HECTD2: variants seen among roughly 807,000 people sequenced by gnomAD.
The protein encoded by HECTD2 is HECT domain E3 ubiquitin protein ligase 2.
A neutral mutation model predicts 103.2 loss-of-function variants in HECTD2; 35 were observed. That is an observed-to-expected ratio of 0.34 (90% CI 0.26 to 0.45). The LOEUF (loss-of-function observed/expected upper bound fraction) is 0.45. HECTD2 is among the 20% of genes least tolerant of loss of function. The probability of loss-of-function intolerance (pLI) is 1.00; values close to 1 mark genes in which losing one functional copy is unlikely to be tolerated. For missense variants in HECTD2, 596 were observed against 937.4 expected (o/e 0.64, Z 4.76); for synonymous variants, 281 against 329.9 (o/e 0.85, Z 1.61).
chr10:91,511,365 A>G (rs1166477013), intron 20 of HECTD2, among the ~76,000 whole-genome samples: 1 of 152,186 alleles, frequency 6.6e-6, no homozygotes, highest in Admixed American at 6.5e-5. Context: ...ACTGTCCCCA[A>G]AATGCTCTTT....
intron 2 of HECTD2, among the ~76,000 whole-genome samples, chr10:91,437,619 CTTTT>C (rs59785873): frequency 2.3e-5 from 2 of 87,418 alleles, no homozygotes; most frequent in African/African-American, 3.3e-5. Flanking sequence ...GATGGTTGTT[CTTTT>C]TTTTTTTTTT....
intron 2 of HECTD2, among the ~76,000 whole-genome samples, chr10:91,456,185 T>C (rs1157985290): frequency 6.6e-6 from 1 of 152,216 alleles, no homozygotes; most frequent in Non-Finnish European, 1.5e-5. Flanking sequence ...ATTTTCACAA[T>C]ATTGATTCTT....
intron 5 of HECTD2, among the ~76,000 whole-genome samples, chr10:91,477,236 A>G (rs1314945959): frequency 1.3e-5 from 2 of 152,018 alleles, no homozygotes; most frequent in African/African-American, 4.8e-5. Flanking sequence ...CCAAGTGTGT[A>G]GCAAGGTCAT....
intron 8 of HECTD2, chr10:91,484,139 C>CT (rs1846187232): frequency 3.8e-6 from 2 of 528,696 alleles, no homozygotes; most frequent in African/African-American, 1.9e-5. Context: ...TGTCAGGAGA[C>CT]TAACATCTTT....
chr10:91,498,313 A>C (rs1243855563), intron 16 of HECTD2, 131 bp downstream of exon 16: 7 of 645,512 alleles, frequency 1.1e-5, no homozygotes, highest in Non-Finnish European at 1.7e-5. Context: ...TCTGTCTTAA[A>C]GGACCTTAAC....
chr10:91,478,102 T>C (rs1010897640), intron 5 of HECTD2, 99 bp from the exon 6 acceptor site: 1 of 787,288 alleles, frequency 1.3e-6, no homozygotes, highest in Non-Finnish European at 2.2e-6. Flanking sequence ...TCATCAAGTC[T>C]GATTTTAACT....
chr10:91,498,067 C>G (rs1384353004), intron 15 of HECTD2, 41 bp from the exon 16 acceptor site: 1 of 1,320,384 alleles, frequency 7.6e-7, no homozygotes, highest in Non-Finnish European at 1.1e-6. Flanking sequence ...CTAGCTAATG[C>G]TATTCTATTG....
intron 20 of HECTD2, among the ~76,000 whole-genome samples, chr10:91,502,647 A>G (rs955452507): frequency 2.0e-5 from 3 of 152,142 alleles, no homozygotes; most frequent in African/African-American, 4.8e-5. Context: ...ATTTACAATT[A>G]AAGTCCTAAA....
At chr10:91,478,116 G>T in intron 5 of HECTD2, 85 bp from the exon 6 acceptor site, 1 of 888,070 alleles carries the variant, frequency 1.1e-6, no homozygotes, top group South Asian at 1.5e-5. Context: ...TTTAACTATT[G>T]AAACAGATCT....
intron 6 of HECTD2, among the ~76,000 whole-genome samples, chr10:91,480,264 TGCC>T (rs1846044788): frequency 6.6e-6 from 1 of 152,112 alleles, no homozygotes; most frequent in African/African-American, 2.4e-5. Context: ...TAAATGACCT[TGCC>T]AAGATTATAA....
At position 91,410,531 on chromosome 10, in the gene HECTD2, C is replaced by G. The variant is rs1296856097; in HGVS notation, c.93C>G (p.Arg31=). The change falls in exon 1 of 21, where the codon CGC becomes CGG. Residue 31 remains arginine (R), a synonymous_variant. Transcript: ENST00000298068. ...AGAGGAAAGGGAAGGAGTCAGAGCG[C>G]GAGAAGCTGCCGCCCATCGTATCGG... The part of the protein sequence containing the change: ...PEERKGKESE[R]EKLPPIVSAG... 3.4e-6 allele frequency: 5 copies of G among 1,469,706 alleles called. No individual in the cohort carries two copies. In the South Asian group the frequency reaches 5.2e-5, roughly 15 times the overall value. The allele number at this position is 1,469,706 out of a possible 1,614,324, so 91.0% of individuals were successfully genotyped here.
chr10:91,499,354 T>C (rs1219979284), intron 18 of HECTD2, among the ~76,000 whole-genome samples: 1 of 152,132 alleles, frequency 6.6e-6, no homozygotes. Context: ...CAGTTCATTT[T>C]CTCTCCCCTT....
At position 91,484,519 on chromosome 10, in the gene HECTD2, G is replaced by C; in HGVS notation, c.834G>C (p.Lys278Asn). 6.2e-7 allele frequency: 1 copy of C among 1,604,350 alleles called. No homozygotes were observed. The highest frequency in any genetic ancestry group is 8.5e-7 in the Non-Finnish European group (1 of 1,177,056). Residue 278 changes from lysine to asparagine, a missense_variant, in exon 9 of 21, where the codon AAG becomes AAC. Lys to Asn is a moderately conservative substitution (Grantham distance 94). This residue lies in a region of HECTD2 where 303 missense variants were observed against 522.5 expected (regional missense o/e 0.58). Coordinates refer to ENST00000298068, the MANE Select transcript of HECTD2 (RefSeq NM_182765.6). ...LVHWFKKLSQ[K>N]RFKQLVERLL... ...AAATCTTTACCAGATTGTCCCAGAA[G>C]AGGTTCAAACAATTGGTAGAGAGAT...
chr10:91,460,663 TATAAG>T (rs1313108657), intron 3 of HECTD2, 98 bp downstream of exon 3: 82 of 1,199,176 alleles, frequency 6.8e-5, no homozygotes, highest in South Asian at 1.5e-4. Flanking sequence ...TTTGGATCAC[TATAAG>T]ATATTAGCCA....
At chr10:91,451,904 T>C (rs1713018171) in intron 2 of HECTD2, among the ~76,000 whole-genome samples, 1 of 152,118 alleles carries the variant, frequency 6.6e-6, no homozygotes, top group Non-Finnish European at 1.5e-5. Flanking sequence ...TTAAATTCTA[T>C]ATATGTATAT....
At chr10:91,454,732 A>G (rs970491462) in intron 2 of HECTD2, among the ~76,000 whole-genome samples, 1 of 144,172 alleles carries the variant, frequency 6.9e-6, no homozygotes, top group Non-Finnish European at 1.5e-5. Context: ...CCCCTACCCC[A>G]CAACAGGCCC....
rs116920797 is a variant in HECTD2, at chr10:91,459,450, C to T, written c.269-977C>T. Among the ~76,000 whole-genome samples, 27 of 152,106 alleles carry T rather than the reference C, an allele frequency of 1.8e-4. No individual in the cohort carries two copies. The East Asian group carries it at 5.2e-3, about 29-fold the overall frequency. ...TGTCCTTCAGTGGTTGAATAGTTAA[C>T]CATATAGCGGTACACCCAAATAGTG... On this transcript the variant is annotated intron_variant, in intron 2 of 20. Coordinates refer to ENST00000298068, the MANE Select transcript of HECTD2 (RefSeq NM_182765.6).
intron 5 of HECTD2, among the ~76,000 whole-genome samples, chr10:91,467,531 G>A (rs1000146243): frequency 1.3e-5 from 2 of 152,004 alleles, no homozygotes; most frequent in East Asian, 1.9e-4. Context: ...GTGCACCCTC[G>A]ATGCCCAACC....
intron 18 of HECTD2, 138 bp from the exon 19 acceptor site, chr10:91,500,364 C>T (rs934749417): frequency 1.3e-5 from 7 of 518,846 alleles, no homozygotes; most frequent in Non-Finnish European, 2.4e-5. Context: ...TACCCAGAGT[C>T]GATTTTTCTT....
Sources: gnomAD v4.1 joint callset for allele counts (sites outside exome capture counted in the v4.1 genomes callset) on GRCh38, gnomAD v4.1.1 for gene constraint, gnomAD v4.1.1 regional missense constraint, MANE v1.5 for transcripts, NCBI Gene and HGNC (gene_info 2026-07-23, HGNC 2026-07-21) for gene names.